The following ENTREP2 variants were observed in gnomAD, a reference collection of about 807,000 sequenced individuals.
The protein encoded by ENTREP2 is endosomal transmembrane epsin interactor 2.
the ENTREP2 span, among the ~76,000 whole-genome samples, chr15:29,460,791 T>C: frequency 3.0e-4 from 46 of 152,126 alleles, no homozygotes; most frequent in African/African-American, 8.7e-4. Context: ...CAAAACCAAA[T>C]GTTCTGGCTT....
At chr15:29,298,414 C>T in the ENTREP2 span, among the ~76,000 whole-genome samples, 2 of 151,572 alleles carry the variant, frequency 1.3e-5, no homozygotes, top group South Asian at 4.2e-4. Flanking sequence ...TTTCAAAATA[C>T]AATAAAAAGG....
the ENTREP2 span, among the ~76,000 whole-genome samples, chr15:29,473,501 C>A: frequency 0.027 from 4,077 of 152,256 alleles, 184 homozygotes; most frequent in African/African-American, 0.091. Flanking sequence ...TGTGAACTCT[C>A]CCAAGTTTTA....
chr15:29,519,135 C>T, the ENTREP2 span, among the ~76,000 whole-genome samples: 1 of 149,424 alleles, frequency 6.7e-6, no homozygotes, highest in African/African-American at 2.6e-5. Flanking sequence ...ATAATATACA[C>T]CTCTTTCTCT....
At chr15:29,168,244 G>T in the ENTREP2 span, among the ~76,000 whole-genome samples, 1 of 152,102 alleles carries the variant, frequency 6.6e-6, no homozygotes, top group Admixed American at 6.6e-5. Context: ...CTCGGGTGTT[G>T]AGTGCACCAA....
chr15:29,378,164 G>A, the ENTREP2 span, among the ~76,000 whole-genome samples: 1 of 150,232 alleles, frequency 6.7e-6, no homozygotes, highest in East Asian at 1.9e-4. Context: ...CCTTGGCCTC[G>A]CTTTAAAAAC....
the ENTREP2 span, among the ~76,000 whole-genome samples, chr15:29,603,176 G>A: frequency 6.6e-6 from 1 of 152,212 alleles, no homozygotes. Flanking sequence ...CAGAAGAGAT[G>A]TGATGTGACC....
chr15:29,269,448 C>T, the ENTREP2 span: 27 of 1,613,984 alleles, frequency 1.7e-5, no homozygotes, highest in Non-Finnish European at 2.3e-5. Context: ...ACACTTTCAG[C>T]TCCAGCTGCT....
chr15:29,310,497 G>A, the ENTREP2 span, among the ~76,000 whole-genome samples: 1 of 152,178 alleles, frequency 6.6e-6, no homozygotes. Context: ...CAGCCCCTGG[G>A]GGATCTCCCC....
the ENTREP2 span, among the ~76,000 whole-genome samples, chr15:29,244,455 C>T: frequency 1.3e-5 from 2 of 152,188 alleles, no homozygotes; most frequent in African/African-American, 2.4e-5. Context: ...AGGGTCACAT[C>T]GGGTCTGGGC....
chr15:29,219,355 C>T, the ENTREP2 span, among the ~76,000 whole-genome samples: 3,530 of 151,980 alleles, frequency 0.023, 57 homozygotes, highest in Non-Finnish European at 0.034. Flanking sequence ...ACAGGGAACA[C>T]TTCTATGCTG....
At chr15:29,169,007 C>T in the ENTREP2 span, among the ~76,000 whole-genome samples, 1 of 152,132 alleles carries the variant, frequency 6.6e-6, no homozygotes, top group Admixed American at 6.5e-5. Flanking sequence ...TACAGTTCTA[C>T]GAAGTTTTAA....
chr15:29,284,568 A>C, the ENTREP2 span, among the ~76,000 whole-genome samples: 2 of 151,876 alleles, frequency 1.3e-5, no homozygotes, highest in African/African-American at 2.4e-5. Flanking sequence ...AAAAAAAAAA[A>C]AAAAACCAAA....
the ENTREP2 span, among the ~76,000 whole-genome samples, chr15:29,426,767 A>G: frequency 2.0e-5 from 3 of 152,094 alleles, no homozygotes; most frequent in African/African-American, 7.2e-5. Flanking sequence ...TCTCTGTTTC[A>G]CTGTGTGCCA....
chr15:29,492,064 ATT>A, the ENTREP2 span, among the ~76,000 whole-genome samples: 41 of 148,050 alleles, frequency 2.8e-4, no homozygotes, highest in East Asian at 9.9e-4. Flanking sequence ...TGTTGGTTTG[ATT>A]TTTTTTTTTT....
At chr15:29,122,173 G>C in the ENTREP2 span, 2 of 151,928 alleles carry the variant, frequency 1.3e-5, no homozygotes, top group African/African-American at 4.8e-5. Context: ...ACTGCACAAA[G>C]TTCTCGTGGA....
the ENTREP2 span, among the ~76,000 whole-genome samples, chr15:29,198,357 T>C: frequency 6.6e-6 from 1 of 152,322 alleles, no homozygotes; most frequent in East Asian, 1.9e-4. Context: ...TTCTGCCCTA[T>C]GGTACATGCA....
the ENTREP2 span, among the ~76,000 whole-genome samples, chr15:29,466,291 T>C: frequency 1.3e-5 from 2 of 152,192 alleles, no homozygotes; most frequent in African/African-American, 4.8e-5. Flanking sequence ...GTTTCTGTCA[T>C]GGTCACTCTG....
chr15:29,396,759 T>G, the ENTREP2 span, among the ~76,000 whole-genome samples: 29 of 152,228 alleles, frequency 1.9e-4, no homozygotes, highest in Non-Finnish European at 3.1e-4. Context: ...GTTTAGGTCT[T>G]TAATCCATTT....
the ENTREP2 span, among the ~76,000 whole-genome samples, chr15:29,311,236 G>A: frequency 6.6e-6 from 1 of 152,058 alleles, no homozygotes; most frequent in Admixed American, 6.5e-5. Context: ...CTTGTGTCTT[G>A]TATCATTATA....
Sources: allele counts gnomAD v4.1 joint callset (sites outside exome capture counted in the v4.1 genomes callset), GRCh38; gene constraint gnomAD v4.1.1; transcripts MANE v1.5; gene names NCBI Gene and HGNC (gene_info 2026-07-23, HGNC 2026-07-21).